MGAT4C: variants seen among roughly 807,000 people sequenced by gnomAD.
The protein encoded by MGAT4C is alpha-1,3-mannosyl-glycoprotein 4-beta-N-acetylglucosaminyltransferase C.
Under a neutral mutation model 40.1 loss-of-function variants are expected in MGAT4C, and 19 were observed. That is an observed-to-expected ratio of 0.47 (90% CI 0.33 to 0.70). MGAT4C has a LOEUF of 0.70. Ranked by LOEUF, MGAT4C falls within the 30% of genes least tolerant of loss-of-function variation. The pLI, the probability that MGAT4C is intolerant of heterozygous loss-of-function variation, is 0.02. For synonymous variants in MGAT4C, 181 were observed against 187.1 expected (o/e 0.97, Z 0.27); for missense variants, 491 against 563.2 (o/e 0.87, Z 1.30).
chr12:86,362,014 C>G (rs554776003), intron 3 of MGAT4C, among the ~76,000 whole-genome samples: 28 of 152,314 alleles, frequency 1.8e-4, no homozygotes, highest in African/African-American at 6.0e-4. Context: ...ATAAACCATG[C>G]TGCTATAAAG....
At chr12:86,227,234 CT>C (rs1815442098) in intron 1 of MGAT4C, among the ~76,000 whole-genome samples, 1 of 148,722 alleles carries the variant, frequency 6.7e-6, no homozygotes, top group African/African-American at 2.5e-5. Context: ...ACTTTTTTTA[CT>C]TTTCCTCATT....
chr12:86,136,951 G>A (rs1317613274), intron 1 of MGAT4C, among the ~76,000 whole-genome samples: 4 of 152,086 alleles, frequency 2.6e-5, no homozygotes, highest in Non-Finnish European at 5.9e-5. Context: ...CTCCCAAAGT[G>A]CTGGGATTAC....
At chr12:86,402,528 G>T (rs931278407) in intron 3 of MGAT4C, among the ~76,000 whole-genome samples, 1 of 152,002 alleles carries the variant, frequency 6.6e-6, no homozygotes, top group African/African-American at 2.4e-5. Context: ...AAAATTATGG[G>T]GTTTCATTGT....
At chr12:86,689,416 G>C (rs1441747013) in intron 2 of MGAT4C, among the ~76,000 whole-genome samples, 1 of 151,328 alleles carries the variant, frequency 6.6e-6, no homozygotes, top group Non-Finnish European at 1.5e-5. Flanking sequence ...TTGGAGAAGG[G>C]GCATTCTTGT....
intron 3 of MGAT4C, among the ~76,000 whole-genome samples, chr12:86,419,405 T>C (rs1956780132): frequency 6.6e-6 from 1 of 151,256 alleles, no homozygotes; most frequent in South Asian, 2.1e-4. Flanking sequence ...CATATATCCA[T>C]ACATACATAA....
chr12:86,302,815 G>T (rs778902102), intron 4 of MGAT4C, among the ~76,000 whole-genome samples: 3 of 150,592 alleles, frequency 2.0e-5, no homozygotes, highest in Non-Finnish European at 4.4e-5. Context: ...TACAGAATCT[G>T]AGACTGCCAG....
chr12:86,661,655 C>T (rs1724800730), intron 2 of MGAT4C, among the ~76,000 whole-genome samples: 2 of 152,018 alleles, frequency 1.3e-5, no homozygotes, highest in Admixed American at 6.6e-5. Flanking sequence ...AGCAATCAAA[C>T]ATAAGAAGGG....
intron 1 of MGAT4C, among the ~76,000 whole-genome samples, chr12:86,132,743 G>A (rs1259551622): frequency 7.2e-6 from 1 of 139,634 alleles, no homozygotes; most frequent in Non-Finnish European, 1.5e-5. Context: ...TGTGAGCAGA[G>A]ATCGCGCCAC....
In MGAT4C at chr12:86,245,087, C is replaced by T. The variant is rs115194761; in HGVS notation, c.-57+11152G>A. 3.1e-3 allele frequency among the ~76,000 whole-genome samples: 477 copies of T among 152,202 alleles called. 1 individual carries two copies. The highest frequency in any genetic ancestry group is 0.011 in the African/African-American group (460 of 41,524). On this transcript the variant is annotated intron_variant, in intron 1 of 4. Transcript: ENST00000611864. ...AATGCCTAGCCAACTGACTCCTAAG[C>T]CCACACTATAATGGCCCACTCTAAA...
intron 1 of MGAT4C, among the ~76,000 whole-genome samples, chr12:86,155,757 G>A (rs1884857530): frequency 6.6e-6 from 1 of 151,998 alleles, no homozygotes; most frequent in African/African-American, 2.4e-5. Flanking sequence ...ATGTGTGTAT[G>A]TACATATACA....
chr12:86,410,784 A>C (rs1005844695), intron 3 of MGAT4C, among the ~76,000 whole-genome samples: 1 of 152,232 alleles, frequency 6.6e-6, no homozygotes, highest in Non-Finnish European at 1.5e-5. Flanking sequence ...AGACAGGCGT[A>C]AGAAATTATA....
At chr12:86,793,553 A>G (rs1197161139) in intron 1 of MGAT4C, among the ~76,000 whole-genome samples, 1 of 152,088 alleles carries the variant, frequency 6.6e-6, no homozygotes, top group African/African-American at 2.4e-5. Context: ...ATGATTTTAA[A>G]ACTATGAATA....
intron 1 of MGAT4C, among the ~76,000 whole-genome samples, chr12:86,071,326 G>T (rs1010545850): frequency 6.6e-6 from 1 of 152,024 alleles, no homozygotes; most frequent in Non-Finnish European, 1.5e-5. Context: ...CAAATCCAGA[G>T]GATCAGATAA....
At chr12:86,587,672 T>G (rs937750142) in intron 2 of MGAT4C, among the ~76,000 whole-genome samples, 3 of 152,080 alleles carry the variant, frequency 2.0e-5, no homozygotes, top group African/African-American at 7.2e-5. Flanking sequence ...ATGTCCCTTG[T>G]AAGGTGGATT....
At chr12:86,026,690 T>G (rs919633162) in intron 2 of MGAT4C, among the ~76,000 whole-genome samples, 1 of 151,998 alleles carries the variant, frequency 6.6e-6, no homozygotes. Flanking sequence ...TTGTAATATA[T>G]TCTTGTGTAT....
chr12:86,326,816 A>T (rs1954539580), intron 4 of MGAT4C, among the ~76,000 whole-genome samples: 1 of 152,172 alleles, frequency 6.6e-6, no homozygotes, highest in Non-Finnish European at 1.5e-5. Context: ...TTAAAGGCAA[A>T]ATATTTTAAC....
chr12:86,785,528 A>G (rs916704897), intron 1 of MGAT4C, among the ~76,000 whole-genome samples: 2 of 151,998 alleles, frequency 1.3e-5, no homozygotes, highest in Admixed American at 1.3e-4. Context: ...TAAACCTCAC[A>G]AAGCACAATT....
intron 1 of MGAT4C, among the ~76,000 whole-genome samples, chr12:86,248,400 T>C (rs1454324200): frequency 6.6e-6 from 1 of 152,046 alleles, no homozygotes. Flanking sequence ...TGTGGATTTT[T>C]TTTTGTTCTT....
chr12:86,195,297 C>G (rs1252102621), intron 1 of MGAT4C, among the ~76,000 whole-genome samples: 1 of 152,052 alleles, frequency 6.6e-6, no homozygotes, highest in African/African-American at 2.4e-5. Context: ...ATAATTAAAA[C>G]CATTTTTAAA....
Sources: allele counts gnomAD v4.1 joint callset (sites outside exome capture counted in the v4.1 genomes callset), GRCh38; gene constraint gnomAD v4.1.1; transcripts MANE v1.5; gene names NCBI Gene and HGNC (gene_info 2026-07-23, HGNC 2026-07-21).